NEDD9: variants seen among roughly 807,000 people sequenced by gnomAD.
The protein encoded by NEDD9 is neural precursor cell expressed, developmentally down-regulated 9, also known as enhancer of filamentation 1.
Under a neutral mutation model 76.6 loss-of-function variants are expected in NEDD9, and 26 were observed. The observed-to-expected ratio is 0.34, with a 90% CI of 0.25 to 0.47. NEDD9 has a LOEUF of 0.47. Among genes scored for constraint, NEDD9 ranks in the 20% least tolerant of loss-of-function variants. NEDD9 has a pLI of 1.00. For missense variants in NEDD9, 937 were observed against 1,058.5 expected (o/e 0.89, Z 1.59); for synonymous variants, 392 against 414.2 (o/e 0.95, Z 0.65).
At position 11,257,775 on chromosome 6, in the gene NEDD9, CTGTGTG is replaced by C. The variant is rs3067253; in HGVS notation, c.13-44054_13-44049del. ...CAGAGTGACAGAAACAATGTAGATT[CTGTGTG>C]TGTGTGTGTGTGTGTGTGTGTGTGT... On this transcript the variant is annotated intron_variant, in intron 3 of 3. Coordinates refer to the NEDD9 transcript ENST00000397378. 6.5e-4 allele frequency among the ~76,000 whole-genome samples: 93 copies of C among 143,064 alleles called. 1 individual carries two copies. The highest frequency in any genetic ancestry group is 2.0e-3 in the African/African-American group (73 of 37,248). 93.9% of individuals were successfully genotyped at this position (143,064 alleles called of 152,430 possible).
intron 1 of NEDD9, among the ~76,000 whole-genome samples, chr6:11,381,473 T>C (rs952628817): frequency 1.3e-5 from 2 of 152,212 alleles, no homozygotes; most frequent in South Asian, 2.1e-4. Flanking sequence ...AAGTCCTTGG[T>C]GGAAGAAAGG....
chr6:11,221,180 T>C (rs1759132870), intron 1 of NEDD9, among the ~76,000 whole-genome samples: 1 of 151,962 alleles, frequency 6.6e-6, no homozygotes, highest in Non-Finnish European at 1.5e-5. Flanking sequence ...CTCAGGAGTT[T>C]GCGACCAGCC....
chr6:11,251,010 A>G (rs892625339), intron 3 of NEDD9, among the ~76,000 whole-genome samples: 21 of 152,186 alleles, frequency 1.4e-4, no homozygotes, highest in African/African-American at 5.1e-4. Flanking sequence ...TTCTGCTGTA[A>G]GGAGACTTAA....
At chr6:11,356,003 G>C (rs1017495277) in intron 1 of NEDD9, among the ~76,000 whole-genome samples, 2 of 152,132 alleles carry the variant, frequency 1.3e-5, no homozygotes, top group Non-Finnish European at 2.9e-5. Flanking sequence ...TTGCAGGCGT[G>C]AGCCACCATG....
At chr6:11,331,232 A>G (rs1013088464) in intron 2 of NEDD9, among the ~76,000 whole-genome samples, 2 of 152,188 alleles carry the variant, frequency 1.3e-5, no homozygotes, top group Admixed American at 6.5e-5. Context: ...GTGAAGGGGA[A>G]CTGCGGTATA....
intron 1 of NEDD9, among the ~76,000 whole-genome samples, chr6:11,377,827 C>A (rs186931855): frequency 6.6e-6 from 1 of 152,260 alleles, no homozygotes; most frequent in Admixed American, 6.5e-5. Context: ...GAAATGTGAT[C>A]CCCAATTTTG....
rs552136012 is a variant in NEDD9 at position 11,304,658 on chromosome 6, G to T, written c.12+1334C>A. ...AGGATGAGTTCATGTCCTTTGTAGG[G>T]ACATGGATAAAGCTGGAAACCATCA... On this transcript the variant is annotated intron_variant, in intron 3 of 3. Coordinates refer to the NEDD9 transcript ENST00000397378. Among the ~76,000 whole-genome samples the T allele has an allele frequency of 1.6e-4, 24 of 152,290 alleles. No homozygotes were observed. The East Asian group carries it at 4.6e-3, about 29-fold the overall frequency.
At position 11,190,842 on chromosome 6, in the gene NEDD9, C is replaced by T. The variant is rs1758120759; in HGVS notation, c.1027G>A (p.Gly343Ser). 1 of 1,614,022 alleles carries T rather than the reference C, an allele frequency of 6.2e-7. No individual in the cohort carries two copies. Among genetic ancestry groups the T allele is most frequent in the Non-Finnish European group, 8.5e-7 (1 of 1,180,048 alleles). ...SEKANPQERDGVYDVPLHNPP... is the reference protein window; with the variant it reads ...SEKANPQERDSVYDVPLHNPP... Reference sequence around the variant, plus strand: ...TTATGCAGAGGGACATCATAAACACCATCCCTTTCCTGGGGGTTTGCTTTC... The same window carrying T: ...TTATGCAGAGGGACATCATAAACACTATCCCTTTCCTGGGGGTTTGCTTTC... Residue 343 changes from glycine (G) to serine (S), a missense_variant, in exon 5 of 7, where the codon GGT becomes AGT. Transcript: ENST00000379446. This position sits in a 1 kb window ranked among gnomAD's most constrained non-coding sequence, Gnocchi z 5.8.
chr6:11,246,149 A>C (rs569198489), intron 3 of NEDD9, among the ~76,000 whole-genome samples: 2 of 152,234 alleles, frequency 1.3e-5, no homozygotes, highest in Non-Finnish European at 2.9e-5. Context: ...GCAAAGGATA[A>C]AAGAATGTCA....
At chr6:11,344,119 G>GT (rs1398177755) in intron 1 of NEDD9, among the ~76,000 whole-genome samples, 6 of 152,162 alleles carry the variant, frequency 3.9e-5, no homozygotes, top group Admixed American at 3.9e-4. Flanking sequence ...CAGTGAATTA[G>GT]TAAGTCTAAA....
chr6:11,310,363 G>A (rs1434894922), intron 2 of NEDD9, among the ~76,000 whole-genome samples: 2 of 151,696 alleles, frequency 1.3e-5, no homozygotes, highest in African/African-American at 4.9e-5. Context: ...CCCTCCTCTT[G>A]CCAATATGCT....
At chr6:11,221,648 C>T (rs1759149140) in intron 1 of NEDD9, among the ~76,000 whole-genome samples, 1 of 152,156 alleles carries the variant, frequency 6.6e-6, no homozygotes, top group Non-Finnish European at 1.5e-5. Flanking sequence ...TCCTGAGAAT[C>T]TTCTCCATCT....
intron 3 of NEDD9, among the ~76,000 whole-genome samples, chr6:11,285,714 A>G (rs1446117385): frequency 1.3e-5 from 2 of 152,216 alleles, no homozygotes; most frequent in East Asian, 1.9e-4. Context: ...ACACACCTAT[A>G]TGGACAACTG....
intron 3 of NEDD9, among the ~76,000 whole-genome samples, chr6:11,295,561 C>T (rs938193518): frequency 5.9e-5 from 9 of 152,176 alleles, no homozygotes; most frequent in Non-Finnish European, 1.2e-4. Flanking sequence ...AGATTGTCCC[C>T]AGCTGAGGCA....
intron 1 of NEDD9, chr6:11,352,410 T>C (rs1403221828): frequency 6.6e-6 from 1 of 152,268 alleles, no homozygotes; most frequent in East Asian, 1.9e-4. Flanking sequence ...GGCCTTTTTC[T>C]CTTCTGTTTT....
At chr6:11,191,307 C>A in intron 4 of NEDD9, 102 bp from the exon 5 acceptor site, 1 of 1,214,432 alleles carries the variant, frequency 8.2e-7, no homozygotes, top group East Asian at 2.5e-5. Flanking sequence ...TTTCGGTCGC[C>A]CTCCCCCGCC....
chr6:11,191,259 C>G lies in NEDD9; in HGVS notation c.664-54G>C. On this transcript the variant is annotated intron_variant, in intron 4 of 6. Coordinates refer to ENST00000379446, the MANE Select transcript of NEDD9 (RefSeq NM_006403.4). Reference sequence around the variant, plus strand: ...ATTTATTGAGTTGGCTCATGGGAACCTGTGGTCCCATGTGCTCAGTCCTAT... The same window carrying G: ...ATTTATTGAGTTGGCTCATGGGAACGTGTGGTCCCATGTGCTCAGTCCTAT... 2.0e-6 allele frequency: 3 copies of G among 1,513,268 alleles called. No homozygotes were observed. In the South Asian group the frequency reaches 3.9e-5, roughly 20 times the overall value. 93.7% of individuals were successfully genotyped at this position (1,513,268 alleles called of 1,614,324 possible). A position where few individuals can be genotyped will look rare whatever the true frequency, so the allele number is the denominator to read the frequency against.
intron 3 of NEDD9, among the ~76,000 whole-genome samples, chr6:11,290,408 G>A (rs1760739111): frequency 6.6e-6 from 1 of 152,092 alleles, no homozygotes; most frequent in Non-Finnish European, 1.5e-5. Flanking sequence ...AAGCATTATG[G>A]GGTATTCTGT....
chr6:11,289,475 T>C (rs1760718690), intron 3 of NEDD9, among the ~76,000 whole-genome samples: 1 of 152,190 alleles, frequency 6.6e-6, no homozygotes, highest in African/African-American at 2.4e-5. Context: ...ATTTTTGAGA[T>C]GGAGTCTCGC....
Sources: allele counts gnomAD v4.1 joint callset (sites outside exome capture counted in the v4.1 genomes callset), GRCh38; gene constraint gnomAD v4.1.1; non-coding constraint Gnocchi (gnomAD v3.1); transcripts MANE v1.5; gene names NCBI Gene and HGNC (gene_info 2026-07-23, HGNC 2026-07-21).